Variants in DNAI3 observed in about 807,000 individuals in gnomAD.
The protein encoded by DNAI3 is WD repeat domain 63.
A neutral mutation model predicts 115.5 loss-of-function variants in DNAI3; 83 were observed. The ratio of observed to expected loss-of-function variants is 0.72; its 90% CI spans 0.60 to 0.86. The LOEUF (loss-of-function observed/expected upper bound fraction) is 0.86, where lower values mean the gene tolerates loss of function less well. DNAI3 is among the 40% of genes least tolerant of loss of function. The pLI is 0.00. For synonymous variants in DNAI3, 320 were observed against 347.0 expected (o/e 0.92, Z 0.86); for missense variants, 1,004 against 1,075.8 (o/e 0.93, Z 0.93).
At chr1:85,099,249 T>G in intron 13 of DNAI3, 1 of 985,370 alleles carries the variant, frequency 1.0e-6, no homozygotes, top group African/African-American at 1.7e-5. Context: ...CTCAAGGGCA[T>G]TAAAGATCTA....
At position 85,098,570 on chromosome 1, in the gene DNAI3, T is replaced by C. The variant is rs1655196629; in HGVS notation, c.1391T>C (p.Met464Thr). Residue 464 changes from methionine (M) to threonine (T), a missense_variant, in exon 13 of 23, where the codon ATG (methionine) becomes ACG (threonine). By Grantham distance (81) the Met-to-Thr change is moderately conservative (BLOSUM62 -1). Transcript: ENST00000294664. The stretch of plus-strand genomic sequence containing the variant: ...GAACCGGAGAGTAATAAAGAAGCAA[T>C]GTATATCAGACACTGTGCAGTCTCT... ...LLEPESNKEA[M>T]YIRHCAVSSI... 1 of 1,613,356 alleles carries C rather than the reference T, an allele frequency of 6.2e-7. No homozygotes were observed. The highest frequency in any genetic ancestry group is 8.5e-7 in the Non-Finnish European group (1 of 1,179,700).
In DNAI3 at chr1:85,086,606, A is replaced by G. The variant is rs967509134; in HGVS notation, c.740+576A>G. 3.3e-5 allele frequency among the ~76,000 whole-genome samples: 5 copies of G among 152,108 alleles called. No individual in the cohort carries two copies. The East Asian group carries it at 7.7e-4, about 24-fold the overall frequency. On this transcript the variant is annotated intron_variant, in intron 7 of 22. Transcript: ENST00000294664. ...ACCTGCGGTTCCACCTCCTCCTGCC[A>G]TTGCCCATGCTGAATCTTCCTCCTC...
chr1:85,132,733 C>T (rs1656376354), intron 22 of DNAI3, 122 bp from the exon 23 acceptor site: 3 of 1,263,418 alleles, frequency 2.4e-6, no homozygotes, highest in African/African-American at 1.5e-5. Flanking sequence ...TCCTGCCCTC[C>T]ATCCAGCCCT....
At chr1:85,124,491 A>C (rs1372596717) in intron 19 of DNAI3, among the ~76,000 whole-genome samples, 1 of 152,164 alleles carries the variant, frequency 6.6e-6, no homozygotes, top group Non-Finnish European at 1.5e-5. Context: ...TCTGAAACTT[A>C]ACAGTCTTGG....
rs189146415 is a variant in DNAI3 at position 85,089,515 on chromosome 1, T to C, written c.741-601T>C. On this transcript the variant is annotated intron_variant, in intron 7 of 22. Transcript: ENST00000294664. ...CTTCCTGCCACCATCACTGCTGAAA[T>C]GTATCTTATTCCTAGTTTTGTATGT... Among the ~76,000 whole-genome samples the C allele has an allele frequency of 2.6e-3, 395 of 149,334 alleles. 6 individuals are homozygous for C. In the South Asian group the frequency reaches 0.037, roughly 14 times the overall value.
intron 16 of DNAI3, 133 bp downstream of exon 16, chr1:85,110,268 G>A (rs1031533041): frequency 2.9e-6 from 2 of 679,226 alleles, no homozygotes; most frequent in South Asian, 1.8e-5. Flanking sequence ...TGGCTAACAC[G>A]GTGAAACCCC....
chr1:85,130,352 G>A (rs1656276178), intron 22 of DNAI3, among the ~76,000 whole-genome samples: 1 of 152,174 alleles, frequency 6.6e-6, no homozygotes, highest in African/African-American at 2.4e-5. Context: ...CTTTAGTACA[G>A]ATACCTTAAT....
intron 3 of DNAI3, among the ~76,000 whole-genome samples, chr1:85,080,688 A>C (rs1557709221): frequency 6.6e-6 from 1 of 152,354 alleles, no homozygotes; most frequent in Non-Finnish European, 1.5e-5. Context: ...TCCAACAAAT[A>C]ATTTCACTTT....
At chr1:85,092,051 G>T (rs536880749) in intron 8 of DNAI3, among the ~76,000 whole-genome samples, 1 of 152,120 alleles carries the variant, frequency 6.6e-6, no homozygotes, top group African/African-American at 2.4e-5. Flanking sequence ...TCGAGAGTCC[G>T]CTACACAGGG....
intron 16 of DNAI3, among the ~76,000 whole-genome samples, chr1:85,115,395 T>C (rs1172844638): frequency 2.6e-5 from 4 of 152,234 alleles, no homozygotes; most frequent in Non-Finnish European, 4.4e-5. Flanking sequence ...CATAACCACC[T>C]GGAAGTTCTT....
intron 16 of DNAI3, 132 bp downstream of exon 16, chr1:85,110,267 C>T (rs999597581): frequency 1.9e-5 from 13 of 679,000 alleles, no homozygotes; most frequent in Admixed American, 3.0e-5. Flanking sequence ...CTGGCTAACA[C>T]GGTGAAACCC....
intron 22 of DNAI3, among the ~76,000 whole-genome samples, chr1:85,131,877 A>G (rs1474481509): frequency 6.6e-6 from 1 of 152,226 alleles, no homozygotes; most frequent in East Asian, 1.9e-4. Context: ...ACACCTGAAT[A>G]TTATAATAAT....
rs922972749 is a variant in DNAI3, at chr1:85,085,916, C to G, written c.626C>G (p.Ala209Gly). 6.2e-7 allele frequency: 1 copy of G among 1,614,146 alleles called. No individual in the cohort carries two copies. The highest frequency in any genetic ancestry group is 1.3e-5 in the African/African-American group (1 of 75,032). ...SDQNASSVKD[A>G]YIECTAYPDK... ...CAGAATGCTTCCAGTGTAAAAGATG[C>G]CTATATTGAATGTACAGCCTACCCA... Residue 209 changes from alanine (A) to glycine (G), a missense_variant, in exon 7 of 23, where the codon GCC (alanine) becomes GGC (glycine). Ala to Gly is a moderately conservative substitution (Grantham distance 60, BLOSUM62 0). Around this residue, in one of 3 missense-constraint regions of DNAI3, gnomAD observed 550 missense variants for 568.1 expected, o/e 0.97. Coordinates refer to ENST00000294664, the MANE Select transcript of DNAI3 (RefSeq NM_145172.5).
chr1:85,096,092 T>G, intron 11 of DNAI3, 72 bp downstream of exon 11: 2 of 1,373,702 alleles, frequency 1.5e-6, no homozygotes, highest in Middle Eastern at 1.8e-4. Flanking sequence ...GACTTGGCAG[T>G]TCCTTGGACT....
At chr1:85,087,087 CCCCTCCTTCA>C (rs1654820148) in intron 7 of DNAI3, among the ~76,000 whole-genome samples, 1 of 152,018 alleles carries the variant, frequency 6.6e-6, no homozygotes, top group Non-Finnish European at 1.5e-5. Flanking sequence ...TTGTGCTTAT[CCCCTCCTTCA>C]TTCAGATCTC....
intron 1 of DNAI3, among the ~76,000 whole-genome samples, chr1:85,067,670 A>G (rs1453273379): frequency 6.6e-6 from 1 of 152,252 alleles, no homozygotes; most frequent in African/African-American, 2.4e-5. Context: ...TGGATTATCT[A>G]GGTAGGCCCA....
At position 85,130,073 on chromosome 1, in the gene DNAI3, AAAG is replaced by A; in HGVS notation, c.2496_2498del (p.Lys833del). Reference sequence around the variant, plus strand: ...AGCGCAAAAAAATTCGTGAGCAAGAAAAGAAAGAAATGGAACTAGAAATGGCAA... The same window carrying A: ...AGCGCAAAAAAATTCGTGAGCAAGAAAAAGAAATGGAACTAGAAATGGCAA... On this transcript the variant is annotated inframe_deletion, in exon 22 of 23. Transcript: ENST00000294664. 6.2e-7 allele frequency: 1 copy of A among 1,613,966 alleles called. No individual in the cohort carries two copies. The highest frequency in any genetic ancestry group is 1.1e-5 in the South Asian group (1 of 91,044).
In DNAI3 at chr1:85,125,109, T is replaced by C. The variant is rs577026586; in HGVS notation, c.2112+858T>C. ...GGAGCTAAACTGCCAAAAACTAGAA[T>C]GATTGATAAAATCCAGTGAAGCAAG... On this transcript the variant is annotated intron_variant, in intron 19 of 22. Transcript: ENST00000294664. Among the ~76,000 whole-genome samples the C allele has an allele frequency of 2.0e-5, 3 of 152,156 alleles. No individual in the cohort carries two copies. In the South Asian group the frequency reaches 6.2e-4, roughly 32 times the overall value.
intron 16 of DNAI3, among the ~76,000 whole-genome samples, chr1:85,111,639 G>A (rs1453606524): frequency 6.6e-6 from 1 of 152,108 alleles, no homozygotes; most frequent in African/African-American, 2.4e-5. Context: ...TTGTAAAAAG[G>A]TAACTTTATT....
Sources: gnomAD v4.1 joint callset for allele counts (sites outside exome capture counted in the v4.1 genomes callset) on GRCh38, gnomAD v4.1.1 for gene constraint, gnomAD v4.1.1 regional missense constraint, MANE v1.5 for transcripts, NCBI Gene and HGNC (gene_info 2026-07-23, HGNC 2026-07-21) for gene names.